The following MGAM variants were observed in gnomAD, a reference collection of about 807,000 sequenced individuals.
MGAM encodes alpha-1,4-glucosidase.
MGAM carries 253 observed loss-of-function variants against 358.8 expected under a neutral mutation model. The ratio of observed to expected loss-of-function variants is 0.71; its 90% CI spans 0.64 to 0.78. The LOEUF (loss-of-function observed/expected upper bound fraction) is 0.78. MGAM is among the 30% of genes least tolerant of loss of function. The pLI is 0.00. For synonymous variants in MGAM, 1,105 were observed against 1,227.1 expected, an observed-to-expected ratio of 0.90 and a Z score of 2.08; for missense variants, 3,080 against 3,432.6, an observed-to-expected ratio of 0.90 and a Z score of 2.57.
At chr7:142,031,623 C>G (rs577458437) in intron 12 of MGAM, 57 bp from the exon 13 acceptor site, 1 of 1,219,554 alleles carries the variant, frequency 8.2e-7, no homozygotes, top group East Asian at 2.3e-5. Context: ...AAGTACTTTC[C>G]TTTAGTCTAT....
In MGAM at chr7:142,085,882, C is replaced by T. The variant is rs1421863222; in HGVS notation, c.6557C>T (p.Thr2186Ile). ...TACATGGAGCGGCAGCTGGACTTCA[C>T]CCTCAGCCCCAAGTTTGCCGGGTTT... The part of the protein sequence containing the change: ...IDYMERQLDF[T>I]LSPKFAGFPA... The change falls in exon 55 of 71, where the codon ACC becomes ATC. Residue 2186 changes from threonine to isoleucine, a missense_variant. Physicochemically the swap from Thr to Ile is moderately conservative, Grantham distance 89. Coordinates refer to ENST00000475668, the MANE Select transcript of MGAM (RefSeq NM_001365693.1). 2 of 1,566,060 alleles carry T rather than the reference C, an allele frequency of 1.3e-6. No individual in the cohort carries two copies. The highest frequency in any genetic ancestry group is 1.8e-6 in the Non-Finnish European group (2 of 1,141,378).
At chr7:142,100,579 G>C (rs1183037617) in intron 67 of MGAM, among the ~76,000 whole-genome samples, 1 of 152,210 alleles carries the variant, frequency 6.6e-6, no homozygotes, top group African/African-American at 2.4e-5. Context: ...GAGCCTTAAA[G>C]CAGAATCCTC....
chr7:142,070,631 G>A (rs1168651823), intron 43 of MGAM, among the ~76,000 whole-genome samples: 1 of 145,652 alleles, frequency 6.9e-6, no homozygotes, highest in Admixed American at 6.9e-5. Context: ...AGAATTGTCT[G>A]GCCCCAAATC....
At chr7:142,033,228 C>T (rs1554464472) in intron 14 of MGAM, among the ~76,000 whole-genome samples, 1 of 152,178 alleles carries the variant, frequency 6.6e-6, no homozygotes, top group Non-Finnish European at 1.5e-5. Flanking sequence ...TATGCACCCA[C>T]AGGCCAGGGT....
At chr7:142,045,071 CGTGTAATATATGATATATAAT>C (rs1809884950) in intron 21 of MGAM, among the ~76,000 whole-genome samples, 1 of 57,900 alleles carries the variant, frequency 1.7e-5, no homozygotes, top group African/African-American at 5.9e-5. Flanking sequence ...ATTATATATA[CGTGTAATATATGATATATAAT>C]ATGTATATTA....
At chr7:142,086,581 T>C in intron 56 of MGAM, 74 bp from the exon 57 acceptor site, 1 of 810,718 alleles carries the variant, frequency 1.2e-6, no homozygotes, top group Non-Finnish European at 1.8e-6. Context: ...ATGGTTTATA[T>C]AATAATTTCT....
At chr7:142,100,943 A>G in intron 68 of MGAM, 53 bp downstream of exon 68, 1 of 1,501,436 alleles carries the variant, frequency 6.7e-7, no homozygotes, top group Middle Eastern at 1.7e-4. Context: ...ACATTCCTGG[A>G]TTATCTTACA....
chr7:142,045,160 A>C (rs1306896878), intron 21 of MGAM, among the ~76,000 whole-genome samples: 1 of 107,020 alleles, frequency 9.3e-6, no homozygotes, highest in Admixed American at 1.3e-4. Flanking sequence ...TATGTGATAT[A>C]TAATATATAT....
chr7:142,030,794 CT>C (rs1554463282), intron 12 of MGAM, 37 bp downstream of exon 12: 1 of 1,352,020 alleles, frequency 7.4e-7, no homozygotes, highest in Non-Finnish European at 1.1e-6. Flanking sequence ...GGTGGAGGGG[CT>C]GCATAGGGGT....
intron 21 of MGAM, among the ~76,000 whole-genome samples, chr7:142,041,937 ATTATATATATACAT>A (rs1355120953): frequency 0.49 from 29,621 of 60,598 alleles, 8,265 homozygotes; most frequent in Admixed American, 0.58. Context: ...TAATATATAT[ATTATATATATACAT>A]ATATATAATA....
chr7:142,065,511 A>G, intron 38 of MGAM, 43 bp downstream of exon 38: 1 of 1,613,860 alleles, frequency 6.2e-7, no homozygotes, highest in Admixed American at 1.7e-5. Flanking sequence ...CAGGGCAGGG[A>G]GTTGGGATCC....
At chr7:142,092,957 A>G (rs1271207039) in intron 59 of MGAM, among the ~76,000 whole-genome samples, 1 of 146,156 alleles carries the variant, frequency 6.8e-6, no homozygotes, top group Non-Finnish European at 1.5e-5. Flanking sequence ...GCTTGCCTTT[A>G]TTGTGGAGCT....
rs369893300 is a variant in MGAM, at chr7:142,056,909, G to A, written c.3660G>A (p.Pro1220=). 2.5e-5 allele frequency: 41 copies of A among 1,613,798 alleles called. No individual in the cohort carries two copies. Among genetic ancestry groups the A allele is most frequent in the Middle Eastern group, 1.7e-4 (1 of 6,060 alleles). The change falls in exon 30 of 71, where the codon CCG becomes CCA. Residue 1220 remains proline, a synonymous_variant. Coordinates refer to ENST00000475668, the MANE Select transcript of MGAM (RefSeq NM_001365693.1). The stretch of plus-strand genomic sequence containing the variant: ...TGGACTTTTATGTGTTCTTGGGGCC[G>A]ACTCCAGAGCTTGTCACCCAGCAGT... ...GVLDFYVFLG[P]TPELVTQQYT... is the part of the protein sequence containing the mutation.
At chr7:142,027,077 A>G in intron 8 of MGAM, 38 bp from the exon 9 acceptor site, 1 of 1,447,458 alleles carries the variant, frequency 6.9e-7, no homozygotes, top group African/African-American at 1.4e-5. Flanking sequence ...TCAAGAATCA[A>G]TTCTGATTTT....
At chr7:142,064,117 C>A (rs73524505) in intron 36 of MGAM, among the ~76,000 whole-genome samples, 3,567 of 152,262 alleles carry the variant, frequency 0.023, 125 homozygotes, top group African/African-American at 0.08. Context: ...AAGTCAAAAG[C>A]CTAAATCAGA....
At chr7:141,990,516 C>T (rs1218291079) in intron 2 of MGAM, among the ~76,000 whole-genome samples, 1 of 152,126 alleles carries the variant, frequency 6.6e-6, no homozygotes. Flanking sequence ...CTATTGCTTG[C>T]AAAATCTTCT....
chr7:142,019,405 G>T, intron 4 of MGAM, 86 bp downstream of exon 4: 1 of 1,407,444 alleles, frequency 7.1e-7, no homozygotes, highest in Admixed American at 2.1e-5. Flanking sequence ...GCAGAGTTCT[G>T]CTCTGTGGGG....
chr7:142,092,298 G>A (rs1263069887), intron 58 of MGAM, among the ~76,000 whole-genome samples: 3 of 145,354 alleles, frequency 2.1e-5, no homozygotes, highest in Non-Finnish European at 3.1e-5. Flanking sequence ...ACTGCCTCAC[G>A]CCCACCTTGA....
At chr7:142,085,416 AGTAGATT>A (rs1324007673) in intron 54 of MGAM, among the ~76,000 whole-genome samples, 6 of 145,978 alleles carry the variant, frequency 4.1e-5, no homozygotes, top group African/African-American at 1.5e-4. Context: ...CTTGTTTTGC[AGTAGATT>A]TACCATCCAC....
Sources: gnomAD v4.1 joint callset for allele counts (sites outside exome capture counted in the v4.1 genomes callset) on GRCh38, gnomAD v4.1.1 for gene constraint, MANE v1.5 for transcripts, NCBI Gene and HGNC (gene_info 2026-07-23, HGNC 2026-07-21) for gene names.